Variants in GAR1 observed in about 807,000 individuals in gnomAD.
GAR1 encodes the protein GAR1 ribonucleoprotein, also known as H/ACA ribonucleoprotein complex subunit 1.
In GAR1, 11 loss-of-function variants were observed where a neutral mutation model predicts 29.3. That is an observed-to-expected ratio of 0.38 (90% CI 0.24 to 0.62). GAR1 has a LOEUF of 0.62. Among genes scored for constraint, GAR1 ranks in the 20% least tolerant of loss-of-function variants. The pLI, the probability that GAR1 is intolerant of heterozygous loss-of-function variation, is 0.62. For synonymous variants in GAR1, 87 were observed against 93.3 expected, an observed-to-expected ratio of 0.93 and a Z score of 0.39; for missense variants, 237 against 268.4, an observed-to-expected ratio of 0.88 and a Z score of 0.82.
intron 2 of GAR1, 52 bp from the exon 3 acceptor site, chr4:109,817,884 C>T (rs915276740): frequency 3.4e-6 from 5 of 1,450,106 alleles, no homozygotes; most frequent in Middle Eastern, 2.0e-4. Context: ...AGCAGTTGGT[C>T]AGTATCGTTT....
Position 109,817,967 on chromosome 4 carries a change from T to C in GAR1, c.246T>C (p.Asp82=). Residue 82 remains aspartate (D), a synonymous_variant, in exon 3 of 7, where the codon GAT becomes GAC. Coordinates refer to ENST00000226796, the MANE Select transcript of GAR1 (RefSeq NM_018983.4). Reference sequence around the variant, plus strand: ...GAGAGTTCCTGCATCCCTGTGAAGATGACATAGTTTGTAAATGTACCACAG... The same window carrying C: ...GAGAGTTCCTGCATCCCTGTGAAGACGACATAGTTTGTAAATGTACCACAG... ...LLGEFLHPCE[D]DIVCKCTTDE... 2.5e-6 allele frequency: 4 copies of C among 1,609,396 alleles called. No individual in the cohort carries two copies. In the East Asian group the frequency reaches 8.9e-5, roughly 36 times the overall value.
At position 109,816,146 on chromosome 4, in the gene GAR1, T is replaced by C. The variant is rs1357172742; in HGVS notation, c.-12-7T>C. 3.1e-6 allele frequency: 5 copies of C among 1,610,688 alleles called. No individual in the cohort carries two copies. Among genetic ancestry groups the C allele is most frequent in the South Asian group, 1.1e-5 (1 of 90,966 alleles). ...TCAGAAGACATAGGTCGTTTTTTTT[T>C]CATCAGGGAGGAGAGAGAATGTCTT... is the stretch of plus-strand genomic sequence containing the variant. On this transcript the variant is annotated splice_region_variant and splice_polypyrimidine_tract_variant and intron_variant, in intron 1 of 6. Coordinates refer to ENST00000226796, the MANE Select transcript of GAR1 (RefSeq NM_018983.4).
At chr4:109,818,277 A>G (rs1386134240) in intron 3 of GAR1, among the ~76,000 whole-genome samples, 187 bp downstream of exon 3, 1 of 152,234 alleles carries the variant, frequency 6.6e-6, no homozygotes, top group Non-Finnish European at 1.5e-5. Flanking sequence ...GACAGACCCT[A>G]GAACGGTGAC....
At chr4:109,824,279 G>T in intron 6 of GAR1, 139 bp from the exon 7 acceptor site, 1 of 644,878 alleles carries the variant, frequency 1.6e-6, no homozygotes, top group Non-Finnish European at 2.8e-6. Flanking sequence ...GGTGTAATAT[G>T]AATGACAGTT....
At chr4:109,816,078 C>T (rs1256493293) in intron 1 of GAR1, 75 bp from the exon 2 acceptor site, 6 of 1,400,252 alleles carry the variant, frequency 4.3e-6, no homozygotes, top group South Asian at 3.5e-5. Flanking sequence ...GGTGTTCTCA[C>T]CGCAGCTCCG....
intron 5 of GAR1, 111 bp from the exon 6 acceptor site, chr4:109,823,854 G>C (rs1035530317): frequency 3.4e-6 from 2 of 587,462 alleles, no homozygotes; most frequent in Non-Finnish European, 5.8e-6. Context: ...TTATTGTATT[G>C]ATCTTTTTAG....
chr4:109,824,679 T>C lies in GAR1; in HGVS notation c.*248T>C. On this transcript the variant is annotated 3_prime_UTR_variant, in exon 7 of 7. Coordinates refer to ENST00000226796, the MANE Select transcript of GAR1 (RefSeq NM_018983.4). The stretch of plus-strand genomic sequence containing the variant: ...ACTCTGTGGGTGCTCAATAAATGGA[T>C]AGGAGTTTTCATTTGAAGCATATTT... The C allele has an allele frequency of 2.6e-6, 1 of 388,000 alleles. No homozygotes were observed. Among genetic ancestry groups the C allele is most frequent in the Non-Finnish European group, 4.7e-6 (1 of 214,990 alleles). 24.0% of individuals were successfully genotyped at this position (388,000 alleles called of 1,614,324 possible).
chr4:109,815,657 C>CT (rs11433030), upstream of GAR1: 73,789 of 159,792 alleles, frequency 0.46, 18,734 homozygotes, highest in Non-Finnish European at 0.59. Flanking sequence ...GGGTGATTGG[C>CT]TTTTTTTTTT....
intron 4 of GAR1, among the ~76,000 whole-genome samples, chr4:109,819,786 A>G (rs1733462322): frequency 6.6e-6 from 1 of 152,238 alleles, no homozygotes; most frequent in Non-Finnish European, 1.5e-5. Flanking sequence ...GTGCATTCCA[A>G]GTAGAGAAAA....
At chr4:109,821,934 A>G (rs1243058490) in intron 4 of GAR1, among the ~76,000 whole-genome samples, 2 of 151,994 alleles carry the variant, frequency 1.3e-5, no homozygotes, top group Non-Finnish European at 2.9e-5. Flanking sequence ...CGTAAGTGAG[A>G]GTTGAACAGT....
intron 5 of GAR1, 73 bp downstream of exon 5, chr4:109,822,561 G>A: frequency 8.1e-6 from 12 of 1,486,520 alleles, no homozygotes; most frequent in Non-Finnish European, 1.1e-5. Context: ...ATACAATTTA[G>A]CTTTGTACAT....
Position 109,824,669 on chromosome 4 carries a change from A to G in GAR1, c.*238A>G, listed in dbSNP as rs1277537627. On this transcript the variant is annotated 3_prime_UTR_variant, in exon 7 of 7. Transcript: ENST00000226796. ...AGTGCCTGGCACTCTGTGGGTGCTC[A>G]ATAAATGGATAGGAGTTTTCATTTG... 3.2e-5 allele frequency: 13 copies of G among 404,422 alleles called. No individual in the cohort carries two copies. The East Asian group carries it at 4.5e-4, about 14-fold the overall frequency. The allele number at this position is 404,422 out of a possible 1,614,324, so 25.1% of individuals were successfully genotyped here. A position where few individuals can be genotyped will look rare whatever the true frequency, so the allele number is the denominator to read the frequency against.
At chr4:109,823,901 AATG>A in intron 5 of GAR1, 61 bp from the exon 6 acceptor site, 2 of 1,038,862 alleles carry the variant, frequency 1.9e-6, no homozygotes, top group Non-Finnish European at 3.0e-6. Flanking sequence ...TTAATAACTT[AATG>A]ATTATTATAT....
chr4:109,815,699 AAAAAAC>A (rs1286172842), upstream of GAR1: 2 of 168,614 alleles, frequency 1.2e-5, no homozygotes, highest in African/African-American at 4.8e-5. Context: ...TCTGGTCTTT[AAAAAAC>A]TCTGTGGCGG....
upstream of GAR1, chr4:109,815,580 A>G (rs777543228): frequency 6.3e-6 from 1 of 157,898 alleles, no homozygotes; most frequent in Non-Finnish European, 1.4e-5. Context: ...TTAGTGGTTA[A>G]GGTTATCTAT....
chr4:109,816,330 G>A lies in GAR1; in HGVS notation c.166G>A (p.Gly56Arg), dbSNP rs376764422. Reference sequence around the variant, plus strand: ...AGGATTTGGACGAGGGGGTGGCCGCGGAGGCTTTAACAAAGGCCAAGACCA... The same window carrying A: ...AGGATTTGGACGAGGGGGTGGCCGCAGAGGCTTTAACAAAGGCCAAGACCA... Reference protein sequence around the residue: ...RGGFGRGGGRGGFNKGQDQGP... With the variant: ...RGGFGRGGGRRGFNKGQDQGP... The change falls in exon 2 of 7, where the codon GGA (glycine) becomes AGA (arginine). Residue 56 changes from glycine to arginine, a missense_variant. By Grantham distance (125) the Gly-to-Arg change is moderately radical. Coordinates refer to ENST00000226796, the MANE Select transcript of GAR1 (RefSeq NM_018983.4). The A allele has an allele frequency of 3.2e-5, 52 of 1,613,564 alleles. No homozygotes were observed. The highest frequency in any genetic ancestry group is 5.9e-6 in the Non-Finnish European group (7 of 1,179,936).
intron 2 of GAR1, 103 bp downstream of exon 2, chr4:109,816,481 T>C (rs1238200323): frequency 9.1e-7 from 1 of 1,098,544 alleles, no homozygotes; most frequent in Non-Finnish European, 1.4e-6. Flanking sequence ...GTGTGGAGAA[T>C]GTAGCATGTA....
At chr4:109,820,411 AG>A (rs1733480728) in intron 4 of GAR1, among the ~76,000 whole-genome samples, 1 of 152,118 alleles carries the variant, frequency 6.6e-6, no homozygotes, top group African/African-American at 2.4e-5. Context: ...TTAAAGGAAG[AG>A]TCTAGACTGG....
chr4:109,816,354 C>G lies in GAR1; in HGVS notation c.190C>G (p.Gln64Glu), dbSNP rs779823331. 7.4e-6 allele frequency: 12 copies of G among 1,613,874 alleles called. No homozygotes were observed. The Admixed American group carries it at 2.0e-4, about 27-fold the overall frequency. The change falls in exon 2 of 7, where the codon CAA becomes GAA. Residue 64 changes from glutamine (Q) to glutamate (E), a missense_variant. Physicochemically the swap from Gln to Glu is conservative, Grantham distance 29. Coordinates refer to ENST00000226796, the MANE Select transcript of GAR1 (RefSeq NM_018983.4). The part of the protein sequence containing the change: ...GRGGFNKGQD[Q>E]GPPERVVLLG... ...CGGAGGCTTTAACAAAGGCCAAGAC[C>G]AAGGACCTCCAGAACGTGTAGTCTG...
Sources: gnomAD v4.1 joint callset for allele counts (sites outside exome capture counted in the v4.1 genomes callset) on GRCh38, gnomAD v4.1.1 for gene constraint, MANE v1.5 for transcripts, NCBI Gene and HGNC (gene_info 2026-07-23, HGNC 2026-07-21) for gene names.